NFYC: variants seen among roughly 807,000 people sequenced by gnomAD.
NFYC encodes CAAT box DNA-binding protein subunit C.
A neutral mutation model predicts 53.1 loss-of-function variants in NFYC; 25 were observed. The ratio of observed to expected loss-of-function variants is 0.47; its 90% CI spans 0.34 to 0.66. The LOEUF (loss-of-function observed/expected upper bound fraction) is 0.66, where lower values mean the gene tolerates loss of function less well. NFYC is among the 30% of genes least tolerant of loss of function. NFYC has a pLI of 0.01. For missense variants in NFYC, 260 were observed against 422.7 expected (o/e 0.62, Z 3.38); for synonymous variants, 145 against 152.6 (o/e 0.95, Z 0.37).
chr1:40,718,549 C>T (rs937401288), intron 1 of NFYC, among the ~76,000 whole-genome samples: 1 of 152,158 alleles, frequency 6.6e-6, no homozygotes, highest in Non-Finnish European at 1.5e-5. Flanking sequence ...AATTGAATTA[C>T]CTTTAAAGTG....
intron 1 of NFYC, among the ~76,000 whole-genome samples, chr1:40,718,850 A>G (rs1346414131): frequency 6.6e-6 from 1 of 152,036 alleles, no homozygotes; most frequent in Non-Finnish European, 1.5e-5. Context: ...TAGATGAATC[A>G]TGGTGGTTTT....
chr1:40,705,482 C>A (rs1046311500), intron 1 of NFYC, among the ~76,000 whole-genome samples: 1 of 152,210 alleles, frequency 6.6e-6, no homozygotes, highest in Non-Finnish European at 1.5e-5. Context: ...TATAACACAT[C>A]GTGTTAACAT....
intron 8 of NFYC, among the ~76,000 whole-genome samples, chr1:40,767,722 T>A (rs1646890739): frequency 6.6e-6 from 1 of 152,178 alleles, no homozygotes; most frequent in Non-Finnish European, 1.5e-5. Context: ...ACGCCTGTAA[T>A]CCCAGCACTT....
chr1:40,764,255 A>C (rs1247986078), intron 7 of NFYC, among the ~76,000 whole-genome samples: 1 of 152,228 alleles, frequency 6.6e-6, no homozygotes, highest in East Asian at 1.9e-4. Flanking sequence ...ACTCACGTAG[A>C]CTTGGTTAAC....
chr1:40,694,971 G>A (rs566990007), intron 1 of NFYC, among the ~76,000 whole-genome samples: 1 of 152,282 alleles, frequency 6.6e-6, no homozygotes, highest in East Asian at 1.9e-4. Flanking sequence ...AACTACTAGA[G>A]ACTGGGCGCA....
rs532639605 is a variant in NFYC, at chr1:40,754,254, C to A, written c.387+1008C>A. On this transcript the variant is annotated intron_variant, in intron 5 of 9. Coordinates refer to ENST00000447388, the MANE Select transcript of NFYC (RefSeq NM_014223.5). The stretch of plus-strand genomic sequence containing the variant: ...TAGGAGAAGTGGGCATCCTAATGAA[C>A]ATTTGTAATTCTGACCCTGCATGAG... 113 of 532,488 alleles carry A rather than the reference C, an allele frequency of 2.1e-4. 2 individuals carry two copies. The highest frequency in any genetic ancestry group is 1.4e-3 in the South Asian group (100 of 71,472). The allele number at this position is 532,488 out of a possible 1,614,324, so 33.0% of individuals were successfully genotyped here.
rs911568427 is a variant in NFYC at position 40,716,735 on chromosome 1, G to A, written c.-8-22101G>A. ...ACACAGTAACTCCTAATGAACATTG[G>A]CTATCATCATCATCGTTTTTATTAC... On this transcript the variant is annotated intron_variant, in intron 1 of 9. Transcript: ENST00000447388. 5.9e-5 allele frequency among the ~76,000 whole-genome samples: 9 copies of A among 152,258 alleles called. 1 individual carries two copies. Among genetic ancestry groups the A allele is most frequent in the African/African-American group, 2.2e-4 (9 of 41,540 alleles).
At chr1:40,714,814 C>G (rs1644064914) in intron 1 of NFYC, among the ~76,000 whole-genome samples, 1 of 152,130 alleles carries the variant, frequency 6.6e-6, no homozygotes. Flanking sequence ...GGCGTGGTGG[C>G]TCACGCCTGT....
chr1:40,767,541 G>T (rs3767950), intron 8 of NFYC, among the ~76,000 whole-genome samples: 32,567 of 152,086 alleles, frequency 0.21, 4,127 homozygotes, highest in South Asian at 0.42. Flanking sequence ...ACCTAAGGAC[G>T]CGGCTTTTCC....
In NFYC at chr1:40,738,193, C is replaced by T. The variant is rs1449963268; in HGVS notation, c.-8-643C>T. Among the ~76,000 whole-genome samples, 6 of 152,290 alleles carry T rather than the reference C, an allele frequency of 3.9e-5. No individual in the cohort carries two copies. The South Asian group carries it at 1.0e-3, about 26-fold the overall frequency. ...CTGGGATTACAGGCGTGAGCCACCG[C>T]GCCCGGCCCTCTCTCTTTTTTTAAG... On this transcript the variant is annotated intron_variant, in intron 1 of 9. Coordinates refer to ENST00000447388, the MANE Select transcript of NFYC (RefSeq NM_014223.5).
Position 40,767,240 on chromosome 1 carries a change from T to C in NFYC, c.828+537T>C, listed in dbSNP as rs145632729. The C allele has an allele frequency of 1.1e-3, 494 of 440,526 alleles. 1 individual carries two copies. Among genetic ancestry groups the C allele is most frequent in the African/African-American group, 9.1e-3 (454 of 49,976 alleles). The allele number at this position is 440,526 out of a possible 1,614,324, so 27.3% of individuals were successfully genotyped here. A position where few individuals can be genotyped will look rare whatever the true frequency, so the allele number is the denominator to read the frequency against. ...CTGGGCTTGGGGGTGTTGAGGGACATGGGTATTACTTGCAGAAGATGGGGG... is the reference window on the plus strand; with the variant it reads ...CTGGGCTTGGGGGTGTTGAGGGACACGGGTATTACTTGCAGAAGATGGGGG... On this transcript the variant is annotated intron_variant, in intron 8 of 9. Coordinates refer to ENST00000447388, the MANE Select transcript of NFYC (RefSeq NM_014223.5).
chr1:40,715,241 T>TA (rs1275792077), intron 1 of NFYC, among the ~76,000 whole-genome samples: 2 of 151,624 alleles, frequency 1.3e-5, no homozygotes, highest in Non-Finnish European at 2.9e-5. Context: ...CAGCCTTTAC[T>TA]AAAAAAACAC....
At chr1:40,749,072 A>G (rs1196054124) in intron 3 of NFYC, among the ~76,000 whole-genome samples, 3 of 152,218 alleles carry the variant, frequency 2.0e-5, no homozygotes, top group Admixed American at 1.3e-4. Context: ...CTATATGCCA[A>G]GCCCTGGGCT....
intron 1 of NFYC, among the ~76,000 whole-genome samples, chr1:40,698,420 G>A (rs547362051): frequency 6.7e-4 from 101 of 151,236 alleles, no homozygotes; most frequent in Non-Finnish European, 1.3e-3. Context: ...CTATTTAAAT[G>A]AATGCCATTC....
intron 1 of NFYC, among the ~76,000 whole-genome samples, chr1:40,704,338 T>C (rs897136997): frequency 6.6e-6 from 1 of 152,188 alleles, no homozygotes; most frequent in Non-Finnish European, 1.5e-5. Flanking sequence ...CCCAAAGTGC[T>C]GGTATTACAG....
chr1:40,723,857 A>G (rs954061261), intron 1 of NFYC: 1 of 151,766 alleles, frequency 6.6e-6, no homozygotes, highest in African/African-American at 2.4e-5. Flanking sequence ...TTTATTTTCT[A>G]TTGAGATGGG....
At chr1:40,699,952 C>A (rs189195717) in intron 1 of NFYC, among the ~76,000 whole-genome samples, 14 of 152,196 alleles carry the variant, frequency 9.2e-5, no homozygotes, top group African/African-American at 3.4e-4. Context: ...AGATACATTA[C>A]GCGGTGTTAC....
chr1:40,718,281 T>TCCCC (rs1644210723), intron 1 of NFYC, among the ~76,000 whole-genome samples: 1 of 152,118 alleles, frequency 6.6e-6, no homozygotes, highest in South Asian at 2.1e-4. Context: ...ACGATTATCA[T>TCCCC]CCCCCATTTT....
At position 40,692,034 on chromosome 1, in the gene NFYC, C is replaced by T. The variant is rs541856392; in HGVS notation, c.-9+167C>T. Reference sequence around the variant, plus strand: ...TGTTGTGCTCTTGCCTGGCCCGCTGCTGTCGCCGCCGCCGCGCTCGTGGGG... The same window carrying T: ...TGTTGTGCTCTTGCCTGGCCCGCTGTTGTCGCCGCCGCCGCGCTCGTGGGG... On this transcript the variant is annotated intron_variant, in intron 1 of 9. Transcript: ENST00000447388. The T allele has an allele frequency of 3.7e-4, 73 of 195,506 alleles. No individual in the cohort carries two copies. The East Asian group carries it at 0.012, about 32-fold the overall frequency. The allele number at this position is 195,506 out of a possible 1,614,324, so 12.1% of individuals were successfully genotyped here. A position where few individuals can be genotyped will look rare whatever the true frequency, so the allele number is the denominator to read the frequency against.
Sources: gnomAD v4.1 joint callset for allele counts (sites outside exome capture counted in the v4.1 genomes callset) on GRCh38, gnomAD v4.1.1 for gene constraint, MANE v1.5 for transcripts, NCBI Gene and HGNC (gene_info 2026-07-23, HGNC 2026-07-21) for gene names.